The following ATP6V1E1 variants were observed in gnomAD, a reference collection of about 807,000 sequenced individuals.
ATP6V1E1 encodes the protein ATPase H+ transporting V1 subunit E1.
A neutral mutation model predicts 35.2 loss-of-function variants in ATP6V1E1; 21 were observed. That is an observed-to-expected ratio of 0.60 (90% CI 0.42 to 0.86). ATP6V1E1 has a LOEUF of 0.86. ATP6V1E1 is among the 40% of genes least tolerant of loss of function. ATP6V1E1 has a pLI of 0.00. For synonymous variants in ATP6V1E1, 83 were observed against 87.8 expected (o/e 0.95, Z 0.30); for missense variants, 183 against 272.6 (o/e 0.67, Z 2.32).
chr22:17,628,390 C>G (rs926643263), intron 1 of ATP6V1E1, among the ~76,000 whole-genome samples: 1 of 152,254 alleles, frequency 6.6e-6, no homozygotes, highest in African/African-American at 2.4e-5. Context: ...AGCGCGCAGG[C>G]AAGCGGGCAG....
rs2057758772 is a variant in ATP6V1E1 at position 17,600,928 on chromosome 22, T to C, written c.366+164A>G. The C allele has an allele frequency of 1.2e-5, 6 of 518,100 alleles. No individual in the cohort carries two copies. The South Asian group carries it at 1.5e-4, about 13-fold the overall frequency. The allele number at this position is 518,100 out of a possible 1,614,324, so 32.1% of individuals were successfully genotyped here. A position where few individuals can be genotyped will look rare whatever the true frequency, so the allele number is the denominator to read the frequency against. On this transcript the variant is annotated intron_variant, in intron 5 of 8. Coordinates refer to ENST00000253413, the MANE Select transcript of ATP6V1E1 (RefSeq NM_001696.4). ...TTTCCTATGCAGCACACATTTTAGA[T>C]ATGGTCAAGAGTGAAAGTAAAAAAG...
intron 2 of ATP6V1E1, among the ~76,000 whole-genome samples, chr22:17,613,827 C>G (rs987610726): frequency 4.6e-5 from 7 of 152,040 alleles, no homozygotes; most frequent in Non-Finnish European, 8.8e-5. Context: ...ATTAGCCAGG[C>G]GCGGTGGCAG....
At position 17,592,356 on chromosome 22, in the gene ATP6V1E1, C is replaced by T. The variant is rs2057706997; in HGVS notation, c.*318G>A. 2.7e-6 allele frequency: 1 copy of T among 365,172 alleles called. No individual in the cohort carries two copies. The highest frequency in any genetic ancestry group is 5.7e-5 in the East Asian group (1 of 17,628). 22.6% of individuals were successfully genotyped at this position (365,172 alleles called of 1,614,324 possible). A position where few individuals can be genotyped will look rare whatever the true frequency, so the allele number is the denominator to read the frequency against. ...GCAGGGCCAAACACCAAATACATCA[C>T]CTTTAGGCCAGACGGAGAGTGGAGA... On this transcript the variant is annotated 3_prime_UTR_variant, in exon 9 of 9. Coordinates refer to ENST00000253413, the MANE Select transcript of ATP6V1E1 (RefSeq NM_001696.4).
rs2057723276 is a variant in ATP6V1E1 at position 17,594,860 on chromosome 22, C to T, written c.531-244G>A. On this transcript the variant is annotated intron_variant, in intron 7 of 8. Transcript: ENST00000253413. ...GTAGTATTTGCATACAACCATCACA[C>T]ATCCTCCCCTATATTGCAAATCATG... The T allele has an allele frequency of 1.7e-5, 5 of 296,056 alleles. No individual in the cohort carries two copies. The East Asian group carries it at 3.3e-4, about 20-fold the overall frequency. 18.3% of individuals were successfully genotyped at this position (296,056 alleles called of 1,614,324 possible). A position where few individuals can be genotyped will look rare whatever the true frequency, so the allele number is the denominator to read the frequency against.
intron 2 of ATP6V1E1, among the ~76,000 whole-genome samples, chr22:17,616,421 G>A (rs1488205014): frequency 2.0e-5 from 3 of 152,200 alleles, no homozygotes; most frequent in Non-Finnish European, 2.9e-5. Context: ...GCTCACGCCA[G>A]TAATCCTAGC....
chr22:17,620,176 C>G (rs2057868663), intron 1 of ATP6V1E1, among the ~76,000 whole-genome samples: 1 of 145,498 alleles, frequency 6.9e-6, no homozygotes, highest in South Asian at 2.2e-4. Flanking sequence ...GAGACAGAGT[C>G]TCGCTCTGCC....
intron 1 of ATP6V1E1, among the ~76,000 whole-genome samples, chr22:17,626,307 CAA>C (rs928655426): frequency 3.2e-5 from 2 of 61,972 alleles, no homozygotes; most frequent in Admixed American, 1.9e-4. Flanking sequence ...GACTTCGTCT[CAA>C]AAAAAAAAAA....
chr22:17,614,949 C>T (rs528159505), intron 2 of ATP6V1E1, among the ~76,000 whole-genome samples: 308 of 135,286 alleles, frequency 2.3e-3, no homozygotes, highest in Middle Eastern at 3.8e-3. Flanking sequence ...AGCGAGACAC[C>T]GTTTCAAAAA....
At chr22:17,612,626 T>C in intron 4 of ATP6V1E1, 186 bp downstream of exon 4, 1 of 577,358 alleles carries the variant, frequency 1.7e-6, no homozygotes, top group Admixed American at 3.7e-5. Context: ...ACATGCTCTT[T>C]AGATCAGAAG....
intron 1 of ATP6V1E1, among the ~76,000 whole-genome samples, chr22:17,627,212 C>T (rs1036649073): frequency 2.0e-5 from 3 of 151,502 alleles, no homozygotes; most frequent in African/African-American, 7.3e-5. Flanking sequence ...CAGGGTCGCT[C>T]GGCCTCCCGG....
At chr22:17,618,771 G>A (rs1231940407) in intron 2 of ATP6V1E1, among the ~76,000 whole-genome samples, 1 of 151,736 alleles carries the variant, frequency 6.6e-6, no homozygotes, top group African/African-American at 2.4e-5. Flanking sequence ...AGGCCCAAGC[G>A]GGTGGATCAT....
At chr22:17,624,975 T>C (rs1206981453) in intron 1 of ATP6V1E1, among the ~76,000 whole-genome samples, 1 of 151,828 alleles carries the variant, frequency 6.6e-6, no homozygotes, top group Non-Finnish European at 1.5e-5. Flanking sequence ...CCACTAAGAG[T>C]ATATGGAGGG....
chr22:17,592,752 G>A lies in ATP6V1E1; in HGVS notation c.619-16C>T, dbSNP rs775555409. 6.3e-7 allele frequency: 1 copy of A among 1,575,078 alleles called. No homozygotes were observed. Among genetic ancestry groups the A allele is most frequent in the South Asian group, 1.1e-5 (1 of 90,450 alleles). ...CTGGCATCATCTGTGGAGAGAAAGT[G>A]TAATAAATACGCAATGTCAGCTGAA... is the stretch of plus-strand genomic sequence containing the variant. On this transcript the variant is annotated splice_polypyrimidine_tract_variant and intron_variant, in intron 8 of 8. Coordinates refer to ENST00000253413, the MANE Select transcript of ATP6V1E1 (RefSeq NM_001696.4).
intron 4 of ATP6V1E1, among the ~76,000 whole-genome samples, chr22:17,604,720 T>C (rs376248981): frequency 6.6e-6 from 1 of 151,932 alleles, no homozygotes; most frequent in Non-Finnish European, 1.5e-5. Flanking sequence ...GGCTTCACCA[T>C]GTTGATCAGG....
chr22:17,624,233 A>G (rs2268781), intron 1 of ATP6V1E1, among the ~76,000 whole-genome samples: 1 of 151,862 alleles, frequency 6.6e-6, no homozygotes, highest in Admixed American at 6.6e-5. Context: ...TATAGGAAAT[A>G]GACAAGATTC....
intron 4 of ATP6V1E1, among the ~76,000 whole-genome samples, chr22:17,609,631 G>T (rs2146306088): frequency 6.6e-6 from 1 of 151,618 alleles, no homozygotes; most frequent in African/African-American, 2.4e-5. Flanking sequence ...ACCACGCCCG[G>T]CTAATTTTTT....
intron 2 of ATP6V1E1, chr22:17,619,089 T>G (rs2057861845): frequency 1.1e-5 from 5 of 454,850 alleles, no homozygotes; most frequent in South Asian, 4.7e-5. Flanking sequence ...GTCAAGAGAT[T>G]GAGACCATCC....
chr22:17,608,329 A>C (rs1026858297), intron 4 of ATP6V1E1, among the ~76,000 whole-genome samples: 2 of 152,250 alleles, frequency 1.3e-5, no homozygotes, highest in Non-Finnish European at 2.9e-5. Flanking sequence ...CAGAGTGACT[A>C]AATCCGGGAA....
intron 4 of ATP6V1E1, among the ~76,000 whole-genome samples, chr22:17,610,839 G>C (rs1277652637): frequency 1.3e-5 from 2 of 152,188 alleles, no homozygotes; most frequent in Non-Finnish European, 2.9e-5. Context: ...ATCACTGGTG[G>C]AGACGGAGAT....
Sources: gnomAD v4.1 joint callset for allele counts (sites outside exome capture counted in the v4.1 genomes callset) on GRCh38, gnomAD v4.1.1 for gene constraint, MANE v1.5 for transcripts, NCBI Gene and HGNC (gene_info 2026-07-23, HGNC 2026-07-21) for gene names.